The following EPHA6 variants were observed in gnomAD, a reference collection of about 807,000 sequenced individuals.
The protein encoded by EPHA6 is EPH receptor A6, also known as ephrin type-A receptor 6.
In EPHA6, 50 loss-of-function variants were observed where a neutral mutation model predicts 112.0. That is an observed-to-expected ratio of 0.45 (90% CI 0.36 to 0.56). The LOEUF is 0.56. EPHA6 is among the 20% of genes least tolerant of loss of function. The probability of loss-of-function intolerance (pLI) is 0.00; values close to 1 mark genes in which losing one functional copy is unlikely to be tolerated. For missense variants in EPHA6, 1,280 were observed against 1,417.4 expected (o/e 0.90, Z 1.56); for synonymous variants, 529 against 490.7 (o/e 1.08, Z -1.03).
At chr3:97,623,461 A>G (rs1236911270) in intron 13 of EPHA6, among the ~76,000 whole-genome samples, 1 of 151,674 alleles carries the variant, frequency 6.6e-6, no homozygotes, top group African/African-American at 2.4e-5. Flanking sequence ...AGATTGGATA[A>G]TTAATAAATA....
chr3:96,996,101 A>G (rs1346192092), intron 3 of EPHA6, among the ~76,000 whole-genome samples: 1 of 152,120 alleles, frequency 6.6e-6, no homozygotes. Flanking sequence ...AGCAATATTC[A>G]CAGTGTCTTT....
intron 5 of EPHA6, among the ~76,000 whole-genome samples, chr3:97,314,064 TAGTA>T (rs1403805928): frequency 2.0e-5 from 3 of 151,558 alleles, no homozygotes; most frequent in Non-Finnish European, 3.0e-5. Flanking sequence ...TATATAATGT[TAGTA>T]AGGGTTCAGT....
intron 10 of EPHA6, among the ~76,000 whole-genome samples, chr3:97,496,328 A>G (rs771575814): frequency 8.5e-5 from 13 of 152,246 alleles, no homozygotes; most frequent in Non-Finnish European, 1.8e-4. Flanking sequence ...GAATTATTAA[A>G]TGTTCATCTG....
At chr3:97,533,648 A>G (rs1404971901) in intron 11 of EPHA6, among the ~76,000 whole-genome samples, 4 of 152,068 alleles carry the variant, frequency 2.6e-5, no homozygotes, top group Admixed American at 2.0e-4. Context: ...ATGGGACATT[A>G]GCAAGTGTGA....
In EPHA6 at chr3:96,992,572, A is replaced by G. The variant is rs563125656; in HGVS notation, c.1114+4579A>G. On this transcript the variant is annotated intron_variant, in intron 3 of 17. Coordinates refer to ENST00000389672, the MANE Select transcript of EPHA6 (RefSeq NM_001080448.3). ...CGTTGTGTACTGTCTAAATCCTGGTAACAATTTTAGTATGTTTTATTTCAG... is the reference window on the plus strand; with the variant it reads ...CGTTGTGTACTGTCTAAATCCTGGTGACAATTTTAGTATGTTTTATTTCAG... Among the ~76,000 whole-genome samples the G allele has an allele frequency of 2.0e-5, 3 of 152,216 alleles. No homozygotes were observed. In the South Asian group the frequency reaches 6.2e-4, roughly 32 times the overall value.
chr3:97,491,549 A>G (rs1362203623), intron 10 of EPHA6, among the ~76,000 whole-genome samples: 5 of 150,996 alleles, frequency 3.3e-5, no homozygotes, highest in African/African-American at 9.7e-5. Flanking sequence ...TTATACCTGT[A>G]TTCAGTGTGG....
chr3:97,226,195 G>A, intron 3 of EPHA6, 69 bp from the exon 4 acceptor site: 2 of 1,294,306 alleles, frequency 1.5e-6, no homozygotes, highest in Non-Finnish European at 2.1e-6. Flanking sequence ...ATTAAAGTAT[G>A]TTGTACATGT....
chr3:97,202,713 A>G (rs1052252850), intron 3 of EPHA6, among the ~76,000 whole-genome samples: 5 of 152,162 alleles, frequency 3.3e-5, no homozygotes, highest in African/African-American at 1.2e-4. Context: ...TGTGTTGACT[A>G]TAGGAGTCAT....
At chr3:97,356,111 A>G (rs960299322) in intron 5 of EPHA6, among the ~76,000 whole-genome samples, 4 of 152,156 alleles carry the variant, frequency 2.6e-5, no homozygotes, top group African/African-American at 4.8e-5. Flanking sequence ...CTCCTGTCAG[A>G]TCAGTGGTAG....
intron 5 of EPHA6, among the ~76,000 whole-genome samples, chr3:97,311,643 G>C (rs189778101): frequency 3.8e-4 from 57 of 151,634 alleles, no homozygotes; most frequent in African/African-American, 1.1e-3. Flanking sequence ...CCATTGATTC[G>C]TTTATCTTTC....
intron 3 of EPHA6, among the ~76,000 whole-genome samples, chr3:97,199,631 C>T (rs1000073807): frequency 1.3e-5 from 2 of 152,096 alleles, no homozygotes; most frequent in African/African-American, 4.8e-5. Flanking sequence ...CAGTCTTAAC[C>T]TCTGTGAAAT....
chr3:96,875,618 C>T (rs1559792056), intron 2 of EPHA6, among the ~76,000 whole-genome samples: 2 of 151,966 alleles, frequency 1.3e-5, no homozygotes, highest in South Asian at 4.1e-4. Flanking sequence ...CCCTTGTATT[C>T]TCTGGGCAGC....
At chr3:97,569,338 C>A (rs571873921) in intron 11 of EPHA6, among the ~76,000 whole-genome samples, 10 of 152,048 alleles carry the variant, frequency 6.6e-5, no homozygotes, top group Non-Finnish European at 1.3e-4. Context: ...AATGAATAAT[C>A]AAATGTTAAA....
chr3:96,907,785 A>G (rs1441109319), intron 2 of EPHA6, among the ~76,000 whole-genome samples: 2 of 151,938 alleles, frequency 1.3e-5, no homozygotes, highest in African/African-American at 4.8e-5. Flanking sequence ...GAGTTATACA[A>G]CCTTGGGAAA....
chr3:96,944,222 A>G (rs1182622418), intron 2 of EPHA6, among the ~76,000 whole-genome samples: 4 of 152,220 alleles, frequency 2.6e-5, no homozygotes, highest in Non-Finnish European at 4.4e-5. Flanking sequence ...TGTCTACTTT[A>G]AAACTTAATG....
intron 6 of EPHA6, among the ~76,000 whole-genome samples, chr3:97,412,247 A>C (rs2087771900): frequency 1.3e-5 from 2 of 152,104 alleles, no homozygotes; most frequent in Admixed American, 1.3e-4. Context: ...GTCATATTGT[A>C]GAATTTCAGT....
At chr3:96,904,001 T>C (rs1189903554) in intron 2 of EPHA6, among the ~76,000 whole-genome samples, 1 of 152,142 alleles carries the variant, frequency 6.6e-6, no homozygotes, top group Non-Finnish European at 1.5e-5. Context: ...ACTTTTACAG[T>C]GTTGGTGGGA....
chr3:97,122,452 G>A (rs78601410), intron 3 of EPHA6, among the ~76,000 whole-genome samples: 2,329 of 151,998 alleles, frequency 0.015, 34 homozygotes, highest in Non-Finnish European at 0.025. Flanking sequence ...GGTAAGCATG[G>A]AAATCTATTG....
intron 12 of EPHA6, among the ~76,000 whole-genome samples, chr3:97,598,680 G>C (rs1260514784): frequency 2.0e-5 from 3 of 151,608 alleles, no homozygotes; most frequent in Non-Finnish European, 2.9e-5. Context: ...GGACATTTGG[G>C]TTGGTTCCGA....
Sources: allele counts gnomAD v4.1 joint callset (sites outside exome capture counted in the v4.1 genomes callset), GRCh38; gene constraint gnomAD v4.1.1; transcripts MANE v1.5; gene names NCBI Gene and HGNC (gene_info 2026-07-23, HGNC 2026-07-21).